The following MTA3 variants were observed in gnomAD, a reference collection of about 807,000 sequenced individuals.
MTA3 encodes metastasis associated 1 family member 3.
Under a neutral mutation model 83.5 loss-of-function variants are expected in MTA3, and 34 were observed. The observed-to-expected ratio is 0.41, with a 90% CI of 0.31 to 0.54. The LOEUF (loss-of-function observed/expected upper bound fraction) is 0.54, where lower values mean the gene tolerates loss of function less well. Ranked by LOEUF, MTA3 falls within the 20% of genes least tolerant of loss-of-function variation. The probability of loss-of-function intolerance (pLI) is 0.33; values close to 1 mark genes in which losing one functional copy is unlikely to be tolerated. For missense variants in MTA3, 761 were observed against 726.4 expected (o/e 1.05, Z -0.55); for synonymous variants, 303 against 252.7 (o/e 1.20, Z -1.89).
At chr2:42,690,441 A>G (rs1280011739) in intron 9 of MTA3, among the ~76,000 whole-genome samples, 3 of 151,660 alleles carry the variant, frequency 2.0e-5, no homozygotes, top group Non-Finnish European at 4.4e-5. Flanking sequence ...TTTTCTGTCT[A>G]CTTTTGGTTT....
intron 2 of MTA3, among the ~76,000 whole-genome samples, chr2:42,516,659 G>A (rs949621814): frequency 2.6e-5 from 4 of 152,194 alleles, no homozygotes; most frequent in African/African-American, 9.7e-5. Flanking sequence ...GACAAGCCCT[G>A]CACACAGTTC....
At position 42,549,127 on chromosome 2, in the gene MTA3, C is replaced by T. The variant is rs551085227; in HGVS notation, c.-140-21310C>T. On this transcript the variant is annotated intron_variant, in intron 2 of 17. Transcript: ENST00000405592. The stretch of plus-strand genomic sequence containing the variant: ...GGCGGAGCTTGCAGTGAGCCGAGAT[C>T]GTGCCATTGCACTCCAGCCTGGGCA... Among the ~76,000 whole-genome samples, 20 of 137,772 alleles carry T rather than the reference C, an allele frequency of 1.5e-4. No homozygotes were observed. In the East Asian group the frequency reaches 3.7e-3, roughly 26 times the overall value. 90.4% of individuals were successfully genotyped at this position (137,772 alleles called of 152,430 possible).
Position 42,515,731 on chromosome 2 carries a change from G to C in MTA3, c.-141+20477G>C, listed in dbSNP as rs375363466. ...TTGGTCAGGCTGGTCTCGAACTCCC[G>C]ACCTCGTGATTCGCCCACCTCGGCC... On this transcript the variant is annotated intron_variant, in intron 2 of 17. Coordinates refer to the MTA3 transcript ENST00000405592. Among the ~76,000 whole-genome samples, 5 of 151,528 alleles carry C rather than the reference G, an allele frequency of 3.3e-5. No individual in the cohort carries two copies. In the South Asian group the frequency reaches 6.3e-4, roughly 19 times the overall value.
At chr2:42,682,675 A>G (rs1201647492) in intron 9 of MTA3, 86 bp downstream of exon 9, 1 of 1,251,858 alleles carries the variant, frequency 8.0e-7, no homozygotes, top group African/African-American at 1.5e-5. Context: ...GTATTCATTT[A>G]GCAAGTTTGT....
chr2:42,499,191 G>A (rs532383509), intron 2 of MTA3, among the ~76,000 whole-genome samples: 27 of 148,406 alleles, frequency 1.8e-4, no homozygotes, highest in African/African-American at 6.5e-4. Flanking sequence ...TTTTGAGACG[G>A]AGTTTCACTC....
chr2:42,609,437 C>G, intron 3 of MTA3, 21 bp from the exon 4 acceptor site: 1 of 1,610,300 alleles, frequency 6.2e-7, no homozygotes, highest in East Asian at 2.2e-5. Context: ...CTAATAAATT[C>G]TTTGAATTTT....
chr2:42,512,750 G>C (rs1572902309), intron 2 of MTA3, among the ~76,000 whole-genome samples: 3 of 152,278 alleles, frequency 2.0e-5, no homozygotes, highest in South Asian at 2.1e-4. Flanking sequence ...CTCAACCACT[G>C]TACCAGTGGT....
intron 4 of MTA3, among the ~76,000 whole-genome samples, chr2:42,631,484 C>G (rs560974198): frequency 6.6e-6 from 1 of 152,210 alleles, no homozygotes; most frequent in Admixed American, 6.5e-5. Flanking sequence ...TGTATTGTCT[C>G]AAGTACTTGT....
chr2:42,571,402 A>G (rs1678464437), intron 2 of MTA3, among the ~76,000 whole-genome samples: 1 of 151,746 alleles, frequency 6.6e-6, no homozygotes, highest in Non-Finnish European at 1.5e-5. Context: ...AAAAAAAAAA[A>G]AAAAAAAAGT....
intron 7 of MTA3, 110 bp from the exon 8 acceptor site, chr2:42,659,653 T>C (rs1689485828): frequency 1.4e-6 from 1 of 722,244 alleles, no homozygotes; most frequent in African/African-American, 1.9e-5. Context: ...TGTTTTTGCC[T>C]CTTCTTTTAC....
intron 3 of MTA3, among the ~76,000 whole-genome samples, chr2:42,599,284 TGC>T (rs1243182098): frequency 2.6e-5 from 4 of 152,140 alleles, no homozygotes; most frequent in African/African-American, 9.7e-5. Flanking sequence ...TAGCCAAACT[TGC>T]TTTACATTTA....
chr2:42,565,582 T>C (rs1412347713), upstream of MTA3, among the ~76,000 whole-genome samples: 3 of 152,198 alleles, frequency 2.0e-5, no homozygotes, highest in Non-Finnish European at 4.4e-5. Context: ...ATGGAAGGGC[T>C]GGATTTGCCC....
At chr2:42,564,077 T>C (rs948025952), upstream of MTA3, among the ~76,000 whole-genome samples, 1 of 152,112 alleles carries the variant, frequency 6.6e-6, no homozygotes, top group Non-Finnish European at 1.5e-5. Context: ...CGCCTTTGCC[T>C]CCCAAAGTGC....
chr2:42,671,896 TAAA>T (rs1403361392), intron 8 of MTA3, among the ~76,000 whole-genome samples: 2 of 152,094 alleles, frequency 1.3e-5, no homozygotes, highest in Non-Finnish European at 2.9e-5. Context: ...ATCAGACTAG[TAAA>T]AAAGGAAACT....
chr2:42,607,016 G>C (rs1683525955), intron 3 of MTA3, among the ~76,000 whole-genome samples: 1 of 146,204 alleles, frequency 6.8e-6, no homozygotes. Context: ...CGAGATGGCA[G>C]CAGTACAGTC....
At chr2:42,712,253 G>A (rs1454229059) in intron 14 of MTA3, among the ~76,000 whole-genome samples, 3 of 152,122 alleles carry the variant, frequency 2.0e-5, no homozygotes, top group African/African-American at 7.2e-5. Flanking sequence ...ACCTGGGAGG[G>A]TGAGGGAAAG....
intron 2 of MTA3, among the ~76,000 whole-genome samples, chr2:42,533,635 C>G (rs971644339): frequency 4.0e-5 from 6 of 148,738 alleles, no homozygotes; most frequent in Non-Finnish European, 8.9e-5. Context: ...AGATCGAGAC[C>G]ATCCTGGCTA....
chr2:42,679,281 A>T (rs1691655838), intron 8 of MTA3, among the ~76,000 whole-genome samples: 1 of 152,018 alleles, frequency 6.6e-6, no homozygotes, highest in Non-Finnish European at 1.5e-5. Flanking sequence ...TCTCATCCCA[A>T]CTTGTGCGTG....
intron 2 of MTA3, among the ~76,000 whole-genome samples, chr2:42,553,450 G>A (rs1558431831): frequency 7.0e-6 from 1 of 142,522 alleles, no homozygotes; most frequent in Non-Finnish European, 1.5e-5. Context: ...TAGGCTGGGT[G>A]TTGGGCCAGA....
Sources: gnomAD v4.1 joint callset for allele counts (sites outside exome capture counted in the v4.1 genomes callset) on GRCh38, gnomAD v4.1.1 for gene constraint, MANE v1.5 for transcripts, NCBI Gene and HGNC (gene_info 2026-07-23, HGNC 2026-07-21) for gene names.